The following GART variants were observed in gnomAD, a reference collection of about 807,000 sequenced individuals.
GART encodes phosphoribosylglycinamide formyltransferase, phosphoribosylglycinamide synthetase, phosphoribosylaminoimidazole synthetase.
A neutral mutation model predicts 107.2 loss-of-function variants in GART; 43 were observed. That is an observed-to-expected ratio of 0.40 (90% confidence interval 0.31 to 0.52). GART has a LOEUF of 0.52. Ranked by LOEUF, GART falls within the 20% of genes least tolerant of loss-of-function variation. The pLI, the probability that GART is intolerant of heterozygous loss-of-function variation, is 0.52. For missense variants in GART, 1,107 were observed against 1,206.5 expected (o/e 0.92, Z 1.22); for synonymous variants, 434 against 427.0 (o/e 1.02, Z -0.20).
chr21:33,507,679 A>G (rs2084706426), intron 18 of GART, among the ~76,000 whole-genome samples: 1 of 152,114 alleles, frequency 6.6e-6, no homozygotes, highest in Non-Finnish European at 1.5e-5. Context: ...AAAAATACAA[A>G]AAATTAGCCA....
intron 4 of GART, among the ~76,000 whole-genome samples, chr21:33,532,721 A>G (rs2085216706): frequency 2.0e-5 from 3 of 152,194 alleles, no homozygotes; most frequent in Admixed American, 2.0e-4. Context: ...TTGGAAGAAT[A>G]AGTAGATGTA....
Position 33,513,179 on chromosome 21 carries a change from G to A in GART, c.2108-1721C>T, listed in dbSNP as rs532239850. ...AGGGTTTCATCATGCTGGCCAGGCT[G>A]GTCTTGAACTCCTGACCTCAGGGGA... On this transcript the variant is annotated intron_variant, in intron 16 of 21. Coordinates refer to ENST00000381815, the MANE Select transcript of GART (RefSeq NM_000819.5). 3.6e-3 allele frequency among the ~76,000 whole-genome samples: 539 copies of A among 151,086 alleles called. 3 individuals are homozygous for A. Among genetic ancestry groups the A allele is most frequent in the African/African-American group, 0.012 (512 of 41,244 alleles).
intron 11 of GART, chr21:33,523,904 T>G: frequency 1.8e-6 from 1 of 557,902 alleles, no homozygotes; most frequent in Non-Finnish European, 2.3e-6. Context: ...GAGGTGGAGG[T>G]TGCAGTGAGG....
Position 33,524,695 on chromosome 21 carries a change from T to C in GART, c.1298+74A>G, listed in dbSNP as rs940660381. 4.4e-6 allele frequency: 7 copies of C among 1,595,948 alleles called. No homozygotes were observed. The African/African-American group carries it at 8.1e-5, about 18-fold the overall frequency. On this transcript the variant is annotated intron_variant, in intron 11 of 21. Coordinates refer to ENST00000381815, the MANE Select transcript of GART (RefSeq NM_000819.5). The stretch of plus-strand genomic sequence containing the variant: ...AAGAATACTGAATGACTTATAGGGT[T>C]AATGAAATGTTCTACATAGCCATTT...
In GART at chr21:33,528,618, G is replaced by GAAAAAAAAAAAA; in HGVS notation, c.812-26_812-15dup. 9.5e-7 allele frequency: 1 copy of GAAAAAAAAAAAA among 1,049,848 alleles called. No individual in the cohort carries two copies. Among genetic ancestry groups the GAAAAAAAAAAAA allele is most frequent in the East Asian group, 2.7e-5 (1 of 37,314 alleles). The allele number at this position is 1,049,848 out of a possible 1,614,324, so 65.0% of individuals were successfully genotyped here. ...CATAGAGAATACCTTCATTAAAAAA[G>GAAAAAAAAAAAA]AAAAAAAAAAAAAAGAGAGAAAGAA... On this transcript the variant is annotated splice_polypyrimidine_tract_variant and intron_variant, in intron 8 of 21. Coordinates refer to ENST00000381815, the MANE Select transcript of GART (RefSeq NM_000819.5).
chr21:33,505,746 CA>C (rs757201226), intron 19 of GART, 44 bp from the exon 20 acceptor site: 3 of 1,519,420 alleles, frequency 2.0e-6, no homozygotes, highest in Non-Finnish European at 2.7e-6. Flanking sequence ...AATGAATTAC[CA>C]AAAATAATTA....
chr21:33,512,861 A>T (rs1228415218), intron 16 of GART, among the ~76,000 whole-genome samples: 5 of 151,942 alleles, frequency 3.3e-5, no homozygotes, highest in African/African-American at 9.7e-5. Flanking sequence ...CTGGGATTAT[A>T]GGCATGAGCC....
At chr21:33,528,998 A>G in intron 7 of GART, 61 bp from the exon 8 acceptor site, 1 of 1,070,150 alleles carries the variant, frequency 9.3e-7, no homozygotes. Flanking sequence ...AAGTAGTATT[A>G]CATGGGACAA....
At chr21:33,514,778 C>T (rs1029388423) in intron 16 of GART, among the ~76,000 whole-genome samples, 6 of 152,186 alleles carry the variant, frequency 3.9e-5, no homozygotes, top group African/African-American at 1.2e-4. Flanking sequence ...AGTCCATGGA[C>T]CTGGAAGAGA....
At chr21:33,518,742 C>T (rs2084920540) in intron 14 of GART, 4 of 449,302 alleles carry the variant, frequency 8.9e-6, no homozygotes, top group South Asian at 6.8e-5. Context: ...TCACCATCCC[C>T]TCCATTAGCA....
intron 2 of GART, among the ~76,000 whole-genome samples, chr21:33,538,859 C>T (rs1051615117): frequency 3.3e-5 from 5 of 152,108 alleles, no homozygotes; most frequent in Admixed American, 3.3e-4. Context: ...CAGCTTACTA[C>T]AAGCTCCACC....
chr21:33,528,732 A>T, intron 8 of GART, 118 bp downstream of exon 8: 1 of 1,009,968 alleles, frequency 9.9e-7, no homozygotes, highest in East Asian at 2.6e-5. Flanking sequence ...ATAAACATTT[A>T]AAAAATGGTC....
At position 33,532,378 on chromosome 21, in the gene GART, T is replaced by C; in HGVS notation, c.495A>G (p.Glu165=). The C allele has an allele frequency of 6.2e-7, 1 of 1,614,124 alleles. No individual in the cohort carries two copies. Among genetic ancestry groups the C allele is most frequent in the Non-Finnish European group, 8.5e-7 (1 of 1,180,002 alleles). The stretch of plus-strand genomic sequence containing the variant: ...TCTCTTGTACAGCTTTGCAGGCCTC[T>C]TCTTTGCTCTTTGCAACAATCACCC... The part of the protein sequence containing the change: ...GKGVIVAKSK[E]EACKAVQEIM... Residue 165 remains glutamate (E), a synonymous_variant, in exon 5 of 22, where the codon GAA becomes GAG. Coordinates refer to ENST00000381815, the MANE Select transcript of GART (RefSeq NM_000819.5).
Position 33,528,856 on chromosome 21 carries a change from A to G in GART, c.805T>C (p.Tyr269His). Residue 269 changes from tyrosine to histidine, a missense_variant, in exon 8 of 22, where the codon TAT becomes CAT. Transcript: ENST00000381815. ...VDGMQQEGTP[Y>H]TGILYAGIML... ...GTAATGTGGGTGGGCCTACCTGTAT[A>G]TGGAGTACCCTCTTGCTGCATGCCA... 1 of 1,609,950 alleles carries G rather than the reference A, an allele frequency of 6.2e-7. No individual in the cohort carries two copies.
At chr21:33,519,816 AGATTC>A (rs1323335028) in intron 14 of GART, among the ~76,000 whole-genome samples, 1 of 123,258 alleles carries the variant, frequency 8.1e-6, no homozygotes, top group Admixed American at 8.8e-5. Flanking sequence ...TGACAGAGAG[AGATTC>A]CCTTTTTTTT....
Position 33,505,312 on chromosome 21 carries a change from G to C in GART, c.2725+249C>G, listed in dbSNP as rs149867411. On this transcript the variant is annotated intron_variant, in intron 20 of 21. Transcript: ENST00000381815. ...AAAACTAAGCTACATTAGAAAAAGT[G>C]ATTAATTACAGCAAGCCAAAGTAAA... Among the ~76,000 whole-genome samples, 202 of 152,286 alleles carry C rather than the reference G, an allele frequency of 1.3e-3. No individual in the cohort carries two copies. The Middle Eastern group carries it at 0.017, about 13-fold the overall frequency.
Position 33,509,766 on chromosome 21 carries a change from G to A in GART, c.2452+17C>T, listed in dbSNP as rs2084750261. On this transcript the variant is annotated intron_variant, in intron 18 of 21. Transcript: ENST00000381815. ...GGCAGTCAACAGCTCTACAGTGAAG[G>A]GGAAGCCACATCTCACCTGTTCCAG... 6.2e-6 allele frequency: 10 copies of A among 1,612,430 alleles called. No individual in the cohort carries two copies. Among genetic ancestry groups the A allele is most frequent in the Admixed American group, 1.7e-5 (1 of 59,700 alleles).
chr21:33,524,766 T>C lies in GART; in HGVS notation c.1298+3A>G, dbSNP rs772258704. 13 of 1,614,208 alleles carry C rather than the reference T, an allele frequency of 8.1e-6. No individual in the cohort carries two copies. The highest frequency in any genetic ancestry group is 1.3e-5 in the African/African-American group (1 of 75,074). ...ACTACAGCTAACTTGCTTAGAGTTT[T>C]ACCTGGGCTGCTGGAGGAAAGCTAT... On this transcript the variant is annotated splice_donor_region_variant and intron_variant, in intron 11 of 21. Transcript: ENST00000381815.
upstream of GART, chr21:33,542,767 C>A (rs1207085915): frequency 5.6e-6 from 2 of 357,910 alleles, no homozygotes; most frequent in Non-Finnish European, 1.0e-5. Flanking sequence ...GGCTCCCAAA[C>A]ACTGCTGGGG....
Sources: gnomAD v4.1 joint callset for allele counts (sites outside exome capture counted in the v4.1 genomes callset) on GRCh38, gnomAD v4.1.1 for gene constraint, MANE v1.5 for transcripts, NCBI Gene and HGNC (gene_info 2026-07-23, HGNC 2026-07-21) for gene names.